IMMP2L: variants seen among roughly 807,000 people sequenced by gnomAD.
The protein encoded by IMMP2L is inner mitochondrial membrane peptidase subunit 2, also known as mitochondrial inner membrane protease subunit 2.
In IMMP2L, 18 loss-of-function variants were observed where a neutral mutation model predicts 19.3. The ratio of observed to expected loss-of-function variants is 0.93; its 90% CI spans 0.64 to 1.38. The LOEUF (loss-of-function observed/expected upper bound fraction) is 1.38. IMMP2L is among the 40% of genes most tolerant of loss of function. The probability of loss-of-function intolerance (pLI) is 0.00; values close to 1 mark genes in which losing one functional copy is unlikely to be tolerated. For synonymous variants in IMMP2L, 76 were observed against 73.0 expected, an observed-to-expected ratio of 1.04 and a Z score of -0.21; for missense variants, 233 against 218.2, an observed-to-expected ratio of 1.07 and a Z score of -0.43.
intron 3 of IMMP2L, among the ~76,000 whole-genome samples, chr7:111,364,007 C>G (rs78243886): frequency 2.0e-5 from 3 of 151,736 alleles, no homozygotes; most frequent in Admixed American, 6.6e-5. Context: ...GATCCCCCCC[C>G]ACACACACAC....
chr7:110,807,272 C>T (rs1201823693), intron 5 of IMMP2L, among the ~76,000 whole-genome samples: 1 of 151,980 alleles, frequency 6.6e-6, no homozygotes, highest in Non-Finnish European at 1.5e-5. Context: ...AGAGTTAGCT[C>T]CTTTCGGTCA....
intron 3 of IMMP2L, among the ~76,000 whole-genome samples, chr7:111,356,346 A>G (rs537517083): frequency 6.6e-6 from 1 of 152,276 alleles, no homozygotes; most frequent in East Asian, 1.9e-4. Context: ...TCCCCCAAAC[A>G]ATATAGTATA....
chr7:111,301,921 T>TTAAAA, intron 3 of IMMP2L, among the ~76,000 whole-genome samples: 1 of 83,156 alleles, frequency 1.2e-5, no homozygotes, highest in Non-Finnish European at 2.1e-5. Flanking sequence ...TTTCATGCTT[T>TTAAAA]AAAAAAAAAA....
In IMMP2L at chr7:111,221,688, T is replaced by C. The variant is rs557683441; in HGVS notation, c.240-258123A>G. ...GAAAAAAATATAAATACAGCAAATT[T>C]GTGGCAATTAATAGATCAATTTGAA... is the stretch of plus-strand genomic sequence containing the variant. On this transcript the variant is annotated intron_variant, in intron 3 of 5. Transcript: ENST00000405709. Among the ~76,000 whole-genome samples, 59 of 152,114 alleles carry C rather than the reference T, an allele frequency of 3.9e-4. 1 individual carries two copies. The highest frequency in any genetic ancestry group is 1.3e-3 in the African/African-American group (55 of 41,522).
intron 3 of IMMP2L, among the ~76,000 whole-genome samples, chr7:110,982,711 T>A (rs1821427667): frequency 6.6e-6 from 1 of 152,122 alleles, no homozygotes; most frequent in South Asian, 2.1e-4. Flanking sequence ...AACCACATAT[T>A]TTTTCTTATA....
intron 5 of IMMP2L, among the ~76,000 whole-genome samples, chr7:110,827,711 G>C (rs1373706846): frequency 1.3e-5 from 2 of 152,182 alleles, no homozygotes; most frequent in African/African-American, 2.4e-5. Flanking sequence ...AATTGGACTT[G>C]AAGGATAAAT....
Position 110,663,151 on chromosome 7 carries a change from T to C in IMMP2L, c.*451A>G, listed in dbSNP as rs1284291596. On this transcript the variant is annotated 3_prime_UTR_variant, in exon 6 of 6. Transcript: ENST00000405709. ...ACAAATCACAATGTAATTCCCATCA[T>C]TATGTGTATAATATGTGTTCCTTCT... is the stretch of plus-strand genomic sequence containing the variant. The C allele has an allele frequency of 5.9e-6, 1 of 170,874 alleles. No individual in the cohort carries two copies. The allele number at this position is 170,874 out of a possible 1,614,324, so 10.6% of individuals were successfully genotyped here. A position where few individuals can be genotyped will look rare whatever the true frequency, so the allele number is the denominator to read the frequency against.
intron 5 of IMMP2L, among the ~76,000 whole-genome samples, chr7:110,771,782 T>C (rs1799058327): frequency 6.6e-6 from 1 of 152,160 alleles, no homozygotes; most frequent in Non-Finnish European, 1.5e-5. Flanking sequence ...TTACACATAT[T>C]ACAAAGTGTA....
intron 3 of IMMP2L, among the ~76,000 whole-genome samples, chr7:111,435,294 A>G (rs1001071910): frequency 2.0e-5 from 3 of 152,008 alleles, no homozygotes; most frequent in African/African-American, 2.4e-5. Context: ...ATGTCCATCA[A>G]TGGAGGATTT....
chr7:111,313,968 G>C (rs893011299), intron 3 of IMMP2L, among the ~76,000 whole-genome samples: 2 of 151,764 alleles, frequency 1.3e-5, no homozygotes, highest in Admixed American at 6.6e-5. Flanking sequence ...AAAGAGTGTG[G>C]CACTTTCTGC....
chr7:111,315,139 G>T (rs918461402), intron 3 of IMMP2L, among the ~76,000 whole-genome samples: 1 of 152,104 alleles, frequency 6.6e-6, no homozygotes, highest in African/African-American at 2.4e-5. Flanking sequence ...GCAAACATTT[G>T]TGACGCTATC....
chr7:111,470,928 C>A (rs1235339718), intron 3 of IMMP2L, among the ~76,000 whole-genome samples: 1 of 151,254 alleles, frequency 6.6e-6, no homozygotes, highest in East Asian at 1.9e-4. Flanking sequence ...AAAAAAGGAA[C>A]CAGCAAAGCA....
At chr7:111,158,938 CTT>C (rs1804948717) in intron 3 of IMMP2L, among the ~76,000 whole-genome samples, 1 of 152,080 alleles carries the variant, frequency 6.6e-6, no homozygotes, top group African/African-American at 2.4e-5. Context: ...AATGGAGAGT[CTT>C]CTCTTCTTTT....
At chr7:110,780,108 C>T (rs1038828193) in intron 5 of IMMP2L, among the ~76,000 whole-genome samples, 1 of 151,428 alleles carries the variant, frequency 6.6e-6, no homozygotes, top group Non-Finnish European at 1.5e-5. Flanking sequence ...TTATGTGGCT[C>T]GCTTAGGTAA....
chr7:111,289,681 C>A (rs1400037060), intron 3 of IMMP2L, among the ~76,000 whole-genome samples: 2 of 151,938 alleles, frequency 1.3e-5, no homozygotes, highest in African/African-American at 4.8e-5. Flanking sequence ...TTTATACCTA[C>A]TGTTCTATTT....
At chr7:110,842,783 A>G (rs920650479) in intron 5 of IMMP2L, among the ~76,000 whole-genome samples, 1 of 152,194 alleles carries the variant, frequency 6.6e-6, no homozygotes, top group African/African-American at 2.4e-5. Flanking sequence ...TTCTTAATTA[A>G]TAAGACTGAT....
At chr7:110,726,881 G>A (rs1441424370) in intron 5 of IMMP2L, among the ~76,000 whole-genome samples, 2 of 152,122 alleles carry the variant, frequency 1.3e-5, no homozygotes, top group African/African-American at 2.4e-5. Flanking sequence ...GTTTCCCTAC[G>A]GACCAGTTGT....
chr7:111,048,970 T>C (rs982144047), intron 3 of IMMP2L, among the ~76,000 whole-genome samples: 24 of 152,092 alleles, frequency 1.6e-4, no homozygotes, highest in African/African-American at 5.5e-4. Context: ...GGACCCAGAG[T>C]TGTTACACTG....
intron 3 of IMMP2L, among the ~76,000 whole-genome samples, chr7:111,050,997 TA>T: frequency 6.6e-6 from 1 of 152,274 alleles, no homozygotes; most frequent in South Asian, 2.1e-4. Flanking sequence ...AAACAAAGGA[TA>T]AAAGAAAATA....
Sources: gnomAD v4.1 joint callset for allele counts (sites outside exome capture counted in the v4.1 genomes callset) on GRCh38, gnomAD v4.1.1 for gene constraint, MANE v1.5 for transcripts, NCBI Gene and HGNC (gene_info 2026-07-23, HGNC 2026-07-21) for gene names.